Variants in CSMD1 observed in about 807,000 individuals in gnomAD.
CSMD1 encodes CUB and sushi domain-containing protein 1.
A neutral mutation model predicts 417.5 loss-of-function variants in CSMD1; 213 were observed. The observed-to-expected ratio is 0.51, with a 90% CI of 0.46 to 0.57. The LOEUF (loss-of-function observed/expected upper bound fraction) is 0.57. CSMD1 is among the 20% of genes least tolerant of loss of function. CSMD1 has a pLI of 0.00. For missense variants in CSMD1, 6,923 were observed against 4,529.7 expected (o/e 1.53, Z -15.17); for synonymous variants, 2,862 against 1,736.8 (o/e 1.65, Z -16.11).
At chr8:4,159,579 G>C (rs567498358) in intron 3 of CSMD1, among the ~76,000 whole-genome samples, 3 of 152,188 alleles carry the variant, frequency 2.0e-5, no homozygotes, top group East Asian at 3.9e-4. Flanking sequence ...ACCTGGATGG[G>C]ATTGCAGACC....
At chr8:3,494,194 C>A (rs1304304654) in intron 10 of CSMD1, among the ~76,000 whole-genome samples, 3 of 152,234 alleles carry the variant, frequency 2.0e-5, no homozygotes, top group South Asian at 2.1e-4. Context: ...TATGAGGATA[C>A]AAAGCTCTCC....
At position 4,798,060 on chromosome 8, in the gene CSMD1, C is replaced by T. The variant is rs528903739; in HGVS notation, c.86-160502G>A. Among the ~76,000 whole-genome samples, 18 of 152,276 alleles carry T rather than the reference C, an allele frequency of 1.2e-4. No individual in the cohort carries two copies. The South Asian group carries it at 2.7e-3, about 23-fold the overall frequency. On this transcript the variant is annotated intron_variant, in intron 1 of 69. Coordinates refer to ENST00000635120, the MANE Select transcript of CSMD1 (RefSeq NM_033225.6). ...TAAGTTCTAGGGTACATGCGCACAA[C>T]GTGCAGGTTTCTTAAGTATGTGTAA...
chr8:3,272,090 C>G (rs186561443), intron 26 of CSMD1, among the ~76,000 whole-genome samples: 42,352 of 146,964 alleles, frequency 0.29, 6,357 homozygotes, highest in Non-Finnish European at 0.32. Flanking sequence ...TTTAATCCAT[C>G]TTGAATTGAT....
At chr8:4,990,828 T>C (rs1811422997) in intron 1 of CSMD1, among the ~76,000 whole-genome samples, 1 of 152,126 alleles carries the variant, frequency 6.6e-6, no homozygotes, top group African/African-American at 2.4e-5. Flanking sequence ...GAGTCTTTAA[T>C]AAGGTAACTC....
chr8:3,612,733 A>G (rs1257281578), intron 8 of CSMD1, among the ~76,000 whole-genome samples: 6 of 152,122 alleles, frequency 3.9e-5, no homozygotes, highest in Admixed American at 3.3e-4. Flanking sequence ...GCTGCAGGAA[A>G]ATGAAAACAC....
intron 3 of CSMD1, among the ~76,000 whole-genome samples, chr8:4,389,760 G>A (rs548029325): frequency 6.6e-6 from 1 of 151,968 alleles, no homozygotes; most frequent in East Asian, 1.9e-4. Flanking sequence ...TATATTGTTT[G>A]CTTCTTTATT....
chr8:4,948,416 A>G (rs775380239), intron 1 of CSMD1, among the ~76,000 whole-genome samples: 15 of 151,572 alleles, frequency 9.9e-5, no homozygotes, highest in Non-Finnish European at 5.9e-5. Flanking sequence ...TTCATTGGGC[A>G]TATCTATCTA....
At chr8:3,256,825 T>C (rs1800691244) in intron 26 of CSMD1, among the ~76,000 whole-genome samples, 1 of 152,232 alleles carries the variant, frequency 6.6e-6, no homozygotes, top group Non-Finnish European at 1.5e-5. Context: ...AGTCACAGGA[T>C]TCTTATTTTA....
chr8:3,459,865 T>G (rs561989799), intron 12 of CSMD1, among the ~76,000 whole-genome samples: 67 of 151,632 alleles, frequency 4.4e-4, no homozygotes, highest in African/African-American at 1.6e-3. Flanking sequence ...AAAACTCAAC[T>G]AAGACTTAAA....
At chr8:4,129,742 C>T (rs1007777000) in intron 3 of CSMD1, among the ~76,000 whole-genome samples, 1 of 152,074 alleles carries the variant, frequency 6.6e-6, no homozygotes, top group African/African-American at 2.4e-5. Flanking sequence ...CCCTTTCAAT[C>T]TGGAAATAAC....
rs563783441 is a variant in CSMD1 at position 2,997,680 on chromosome 8, A to G, written c.8377+331T>C. Among the ~76,000 whole-genome samples, 4 of 152,390 alleles carry G rather than the reference A, an allele frequency of 2.6e-5. No individual in the cohort carries two copies. In the South Asian group the frequency reaches 6.2e-4, roughly 24 times the overall value. On this transcript the variant is annotated intron_variant, in intron 54 of 69. Transcript: ENST00000635120. ...CAGTAAGAACTTCGTAAAGACAGTC[A>G]TAAAATTAGAAGCATAATGGCCCCC...
Position 3,470,724 on chromosome 8 carries a change from T to C in CSMD1, c.1449-1900A>G, listed in dbSNP as rs142472655. On this transcript the variant is annotated intron_variant, in intron 11 of 69. Transcript: ENST00000635120. ...CTAACCCCTGGCAACCACTAATCAG[T>C]ATCCATCTCTAAATTATTTATTTAA... Among the ~76,000 whole-genome samples the C allele has an allele frequency of 2.8e-3, 430 of 152,230 alleles. 2 individuals are homozygous for C. The highest frequency in any genetic ancestry group is 9.8e-3 in the African/African-American group (406 of 41,544).
intron 3 of CSMD1, among the ~76,000 whole-genome samples, chr8:4,406,398 C>G (rs956661434): frequency 1.3e-5 from 2 of 152,120 alleles, no homozygotes; most frequent in African/African-American, 2.4e-5. Flanking sequence ...TCAACTTTTA[C>G]TTCCCCAACC....
intron 50 of CSMD1, among the ~76,000 whole-genome samples, chr8:3,045,698 G>A (rs993748085): frequency 6.6e-6 from 1 of 152,146 alleles, no homozygotes; most frequent in African/African-American, 2.4e-5. Context: ...ATGAGAGCTA[G>A]TAAGTTCCTA....
chr8:4,787,611 G>C, intron 1 of CSMD1: 1 of 1,553,244 alleles, frequency 6.4e-7, no homozygotes, highest in Non-Finnish European at 8.9e-7. Flanking sequence ...GAATGGGTTT[G>C]CAGAAGAATA....
intron 25 of CSMD1, among the ~76,000 whole-genome samples, chr8:3,301,126 T>C (rs948416794): frequency 1.3e-5 from 2 of 152,174 alleles, no homozygotes; most frequent in Non-Finnish European, 2.9e-5. Context: ...ATTTCTTCAA[T>C]TGTTTTTTTT....
At chr8:3,231,511 A>G (rs936859248) in intron 26 of CSMD1, among the ~76,000 whole-genome samples, 5 of 152,296 alleles carry the variant, frequency 3.3e-5, no homozygotes, top group Non-Finnish European at 7.4e-5. Context: ...GTGTGTGTGC[A>G]TATACATATG....
chr8:4,668,271 C>A (rs1473587390), intron 1 of CSMD1, among the ~76,000 whole-genome samples: 5 of 151,948 alleles, frequency 3.3e-5, no homozygotes, highest in African/African-American at 1.2e-4. Context: ...CAAATCTCAT[C>A]CACGTTTGTA....
intron 1 of CSMD1, among the ~76,000 whole-genome samples, chr8:4,898,597 T>C (rs1385054919): frequency 6.6e-6 from 1 of 152,202 alleles, no homozygotes; most frequent in Non-Finnish European, 1.5e-5. Flanking sequence ...GTTCTTTGAA[T>C]GGCTAATAAC....
Sources: allele counts gnomAD v4.1 joint callset (sites outside exome capture counted in the v4.1 genomes callset), GRCh38; gene constraint gnomAD v4.1.1; transcripts MANE v1.5; gene names NCBI Gene and HGNC (gene_info 2026-07-23, HGNC 2026-07-21).